Variants in CHAF1B observed in about 807,000 individuals in gnomAD.
The protein encoded by CHAF1B is CAF-1 subunit B.
A neutral mutation model predicts 60.7 loss-of-function variants in CHAF1B; 10 were observed. That is an observed-to-expected ratio of 0.16 (90% CI 0.10 to 0.28). The LOEUF is 0.28. Among genes scored for constraint, CHAF1B ranks in the 10% least tolerant of loss-of-function variants. The pLI is 1.00. For synonymous variants in CHAF1B, 261 were observed against 266.1 expected (o/e 0.98, Z 0.19); for missense variants, 558 against 708.4 (o/e 0.79, Z 2.41).
intron 12 of CHAF1B, among the ~76,000 whole-genome samples, chr21:36,414,446 A>G (rs911180682): frequency 8.6e-5 from 13 of 151,970 alleles, no homozygotes; most frequent in African/African-American, 2.9e-4. Context: ...GTATTTTACA[A>G]TTTTTCTGTT....
intron 1 of CHAF1B, among the ~76,000 whole-genome samples, chr21:36,385,719 C>G (rs892702199): frequency 6.6e-6 from 1 of 152,054 alleles, no homozygotes; most frequent in Non-Finnish European, 1.5e-5. Flanking sequence ...GTTTGGCCCC[C>G]TCTTCCGGGA....
At chr21:36,409,502 C>G (rs369387426) in intron 10 of CHAF1B, 37 bp downstream of exon 10, 132 of 1,503,746 alleles carry the variant, frequency 8.8e-5, no homozygotes, top group South Asian at 7.9e-4. Flanking sequence ...TATGTTTTCT[C>G]TCCGAAACAG....
chr21:36,416,113 C>T (rs188413283), intron 13 of CHAF1B, among the ~76,000 whole-genome samples, 162 bp from the exon 14 acceptor site: 120 of 152,290 alleles, frequency 7.9e-4, no homozygotes, highest in Non-Finnish European at 1.6e-3. Flanking sequence ...GAGGCAAAAT[C>T]GCCCCTGGTT....
At chr21:36,405,635 T>A (rs2086232260) in intron 8 of CHAF1B, among the ~76,000 whole-genome samples, 1 of 152,112 alleles carries the variant, frequency 6.6e-6, no homozygotes, top group South Asian at 2.1e-4. Flanking sequence ...CTTGCTATGT[T>A]GCCCAGGCTG....
At chr21:36,395,870 A>C (rs1286792471) in intron 5 of CHAF1B, among the ~76,000 whole-genome samples, 3 of 152,150 alleles carry the variant, frequency 2.0e-5, no homozygotes, top group Admixed American at 1.3e-4. Flanking sequence ...TGGGTAGGGC[A>C]GTTGTTGTTG....
intron 5 of CHAF1B, among the ~76,000 whole-genome samples, chr21:36,395,363 T>C (rs2086128900): frequency 6.6e-6 from 1 of 152,214 alleles, no homozygotes; most frequent in Non-Finnish European, 1.5e-5. Flanking sequence ...GCTTTAACTT[T>C]AAAAGCAACA....
chr21:36,416,138 A>G (rs1294315818), intron 13 of CHAF1B, 137 bp from the exon 14 acceptor site: 15 of 722,302 alleles, frequency 2.1e-5, no homozygotes, highest in South Asian at 1.4e-4. Flanking sequence ...GCCACTCTAT[A>G]GAACTTCCAT....
In CHAF1B at chr21:36,397,370, T is replaced by G. The variant is rs368546412; in HGVS notation, c.482-45T>G. The stretch of plus-strand genomic sequence containing the variant: ...TTATACTATTTGGGCTCAAACAGGT[T>G]TTGGTAATGCTGTTTTGGTGCGTGT... On this transcript the variant is annotated intron_variant, in intron 5 of 13. Transcript: ENST00000314103. 2.9e-6 allele frequency: 3 copies of G among 1,020,812 alleles called. No individual in the cohort carries two copies. The African/African-American group carries it at 4.8e-5, about 17-fold the overall frequency. 63.2% of individuals were successfully genotyped at this position (1,020,812 alleles called of 1,614,324 possible).
intron 5 of CHAF1B, among the ~76,000 whole-genome samples, chr21:36,395,875 T>C (rs912779151): frequency 6.6e-6 from 1 of 152,210 alleles, no homozygotes; most frequent in Non-Finnish European, 1.5e-5. Flanking sequence ...AGGGCAGTTG[T>C]TGTTGGCTGC....
Position 36,408,844 on chromosome 21 carries a change from G to A in CHAF1B, c.827+14G>A. 2.6e-6 allele frequency: 4 copies of A among 1,538,680 alleles called. No homozygotes were observed. Among genetic ancestry groups the A allele is most frequent in the Non-Finnish European group, 3.6e-6 (4 of 1,112,138 alleles). On this transcript the variant is annotated intron_variant, in intron 9 of 13. Coordinates refer to ENST00000314103, the MANE Select transcript of CHAF1B (RefSeq NM_005441.3). ...GAATCTTAAAAGGTATGCAGTCAAG[G>A]AAATGTTTGAAATGTTTACATTTTT...
intron 5 of CHAF1B, among the ~76,000 whole-genome samples, chr21:36,397,148 C>T (rs2086146749): frequency 6.6e-6 from 1 of 152,176 alleles, no homozygotes; most frequent in Non-Finnish European, 1.5e-5. Context: ...CCTGTGCTGT[C>T]AGCTCCCCTC....
At chr21:36,390,071 C>T (rs533238737) in intron 3 of CHAF1B, among the ~76,000 whole-genome samples, 4 of 152,098 alleles carry the variant, frequency 2.6e-5, no homozygotes, top group East Asian at 1.9e-4. Flanking sequence ...CGGTGGCTCA[C>T]GCCTGTAATC....
Position 36,408,795 on chromosome 21 carries a change from T to C in CHAF1B, c.792T>C (p.Asn264=), listed in dbSNP as rs2086255986. 2 of 1,609,732 alleles carry C rather than the reference T, an allele frequency of 1.2e-6. No homozygotes were observed. Among genetic ancestry groups the C allele is most frequent in the African/African-American group, 2.7e-5 (2 of 74,852 alleles). ...TGGAATCTGGTGAAAATGTAATGAA[T>C]ACCACTTATGTTTTCTCCAGGAAGA... is the stretch of plus-strand genomic sequence containing the variant. ...GCVESGENVM[N]TTYVFSRKNL... The change falls in exon 9 of 14, where the codon AAT becomes AAC. Residue 264 remains asparagine (N), a synonymous_variant. Coordinates refer to ENST00000314103, the MANE Select transcript of CHAF1B (RefSeq NM_005441.3).
intron 11 of CHAF1B, 167 bp from the exon 12 acceptor site, chr21:36,412,717 C>T (rs772176349): frequency 9.0e-5 from 59 of 655,836 alleles, no homozygotes; most frequent in Non-Finnish European, 1.3e-4. Flanking sequence ...TAGCAAATCG[C>T]GATGAAACTG....
chr21:36,411,602 A>T lies in CHAF1B; in HGVS notation c.1059A>T (p.Ser353=). The T allele has an allele frequency of 6.2e-7, 1 of 1,613,892 alleles. No individual in the cohort carries two copies. Among genetic ancestry groups the T allele is most frequent in the Non-Finnish European group, 8.5e-7 (1 of 1,179,922 alleles). The change falls in exon 11 of 14, where the codon TCA becomes TCT. Residue 353 remains serine (S), a splice_region_variant and synonymous_variant. Coordinates refer to ENST00000314103, the MANE Select transcript of CHAF1B (RefSeq NM_005441.3). The stretch of plus-strand genomic sequence containing the variant: ...ATTACCACACCCTCAGTGACATTTC[A>T]TGGTGAGTGGCTGCTAATGAGGGAG... ...NIHYHTLSDI[S]WSSDGAFLAI...
At chr21:36,391,954 T>G (rs1035153637) in intron 4 of CHAF1B, among the ~76,000 whole-genome samples, 1 of 144,728 alleles carries the variant, frequency 6.9e-6, no homozygotes, top group Non-Finnish European at 1.5e-5. Context: ...TATTGATCAT[T>G]CTTGGGTGTT....
chr21:36,406,784 T>C (rs1284276271), intron 8 of CHAF1B, among the ~76,000 whole-genome samples: 2 of 152,174 alleles, frequency 1.3e-5, no homozygotes, highest in African/African-American at 2.4e-5. Context: ...TGAACCATAA[T>C]CACCATGTTG....
chr21:36,386,339 T>G lies in CHAF1B; in HGVS notation c.126+77T>G. 2.6e-6 allele frequency: 4 copies of G among 1,557,872 alleles called. No individual in the cohort carries two copies. The South Asian group carries it at 4.7e-5, about 18-fold the overall frequency. Reference sequence around the variant, plus strand: ...TTCATTCTTTTACTTAAAACCAGTGTCGGCTGGGCGCGGTGGCTTACGCCT... The same window carrying G: ...TTCATTCTTTTACTTAAAACCAGTGGCGGCTGGGCGCGGTGGCTTACGCCT... On this transcript the variant is annotated intron_variant, in intron 2 of 13. Coordinates refer to ENST00000314103, the MANE Select transcript of CHAF1B (RefSeq NM_005441.3).
At chr21:36,396,144 C>T (rs903877246) in intron 5 of CHAF1B, among the ~76,000 whole-genome samples, 14 of 151,500 alleles carry the variant, frequency 9.2e-5, no homozygotes, top group South Asian at 2.1e-4. Flanking sequence ...GGATTACAGG[C>T]GCCCGCCACC....
Sources: allele counts gnomAD v4.1 joint callset (sites outside exome capture counted in the v4.1 genomes callset), GRCh38; gene constraint gnomAD v4.1.1; transcripts MANE v1.5; gene names NCBI Gene and HGNC (gene_info 2026-07-23, HGNC 2026-07-21).